PCDH15: variants seen among roughly 807,000 people sequenced by gnomAD.
The protein encoded by PCDH15 is protocadherin related 15.
PCDH15 carries 129 observed loss-of-function variants against 178.5 expected under a neutral mutation model. That is an observed-to-expected ratio of 0.72 (90% CI 0.63 to 0.84). The LOEUF is 0.84. Among genes scored for constraint, PCDH15 ranks in the 40% least tolerant of loss-of-function variants. The pLI, the probability that PCDH15 is intolerant of heterozygous loss-of-function variation, is 0.00. For synonymous variants in PCDH15, 800 were observed against 732.0 expected (o/e 1.09, Z -1.50); for missense variants, 2,230 against 2,099.9 (o/e 1.06, Z -1.21).
At chr10:54,756,089 A>ACT (rs1555182952) in intron 1 of PCDH15, among the ~76,000 whole-genome samples, 41 of 148,338 alleles carry the variant, frequency 2.8e-4, no homozygotes, top group African/African-American at 6.0e-4. Flanking sequence ...ACACACACAC[A>ACT]CACACACAAA....
chr10:54,700,385 A>C (rs188609017), intron 1 of PCDH15, among the ~76,000 whole-genome samples: 113 of 152,208 alleles, frequency 7.4e-4, no homozygotes, highest in Middle Eastern at 3.4e-3. Flanking sequence ...AAATGCCAGA[A>C]ACAGAATTAA....
chr10:54,368,945 TA>T (rs1363605581), intron 5 of PCDH15, among the ~76,000 whole-genome samples, 174 bp downstream of exon 5: 4 of 152,136 alleles, frequency 2.6e-5, no homozygotes, highest in Non-Finnish European at 5.9e-5. Context: ...AATGAATTCC[TA>T]AAATAACATC....
chr10:54,484,462 A>T (rs1431757273), intron 3 of PCDH15, among the ~76,000 whole-genome samples: 1 of 151,928 alleles, frequency 6.6e-6, no homozygotes, highest in Non-Finnish European at 1.5e-5. Context: ...CAAATACTTA[A>T]AAGAAAATAC....
chr10:54,879,276 G>C (rs146039210), intron 3 of PCDH15, among the ~76,000 whole-genome samples: 1 of 151,832 alleles, frequency 6.6e-6, no homozygotes. Flanking sequence ...GCATTCCTTA[G>C]AGATAGTAGT....
At chr10:54,144,961 T>C (rs2043767219) in intron 14 of PCDH15, among the ~76,000 whole-genome samples, 1 of 152,152 alleles carries the variant, frequency 6.6e-6, no homozygotes, top group Non-Finnish European at 1.5e-5. Flanking sequence ...TTTACTTATC[T>C]ATGTGTGAAT....
At chr10:54,372,892 A>T in intron 4 of PCDH15, among the ~76,000 whole-genome samples, 1 of 151,856 alleles carries the variant, frequency 6.6e-6, no homozygotes, top group Non-Finnish European at 1.5e-5. Context: ...TGTATAGGTT[A>T]TGATATGTGT....
chr10:53,887,372 C>T (rs2081173686), intron 26 of PCDH15, among the ~76,000 whole-genome samples: 2 of 152,142 alleles, frequency 1.3e-5, no homozygotes, highest in South Asian at 2.1e-4. Flanking sequence ...AAAATACTAG[C>T]TTATCCCCTT....
At chr10:55,544,179 A>G (rs1364913635) in intron 2 of PCDH15, among the ~76,000 whole-genome samples, 1 of 104,056 alleles carries the variant, frequency 9.6e-6, no homozygotes, top group Admixed American at 9.8e-5. Flanking sequence ...TATATATTAT[A>G]CTGACAGTAT....
chr10:55,610,408 C>A (rs1264040051), intron 2 of PCDH15, among the ~76,000 whole-genome samples: 1 of 152,058 alleles, frequency 6.6e-6, no homozygotes, highest in Non-Finnish European at 1.5e-5. Flanking sequence ...GGAGACAAAG[C>A]TATTCTAATG....
chr10:53,902,563 A>AT (rs1463257813), intron 26 of PCDH15, among the ~76,000 whole-genome samples: 1 of 152,120 alleles, frequency 6.6e-6, no homozygotes, highest in African/African-American at 2.4e-5. Context: ...AATCTTTAAA[A>AT]TTTTTTCTTA....
intron 37 of PCDH15, 90 bp from the exon 38 acceptor site, chr10:53,807,220 T>C: frequency 9.3e-7 from 1 of 1,073,110 alleles, no homozygotes; most frequent in Non-Finnish European, 1.3e-6. Flanking sequence ...AACAATGACA[T>C]TTAGAAAGCT....
chr10:53,857,617 A>G (rs192429962), intron 27 of PCDH15, among the ~76,000 whole-genome samples: 3 of 152,158 alleles, frequency 2.0e-5, no homozygotes, highest in Admixed American at 6.6e-5. Flanking sequence ...AATGAAAAAT[A>G]CGTTTTATAT....
chr10:54,078,457 G>A (rs940246256), intron 17 of PCDH15, among the ~76,000 whole-genome samples: 1 of 151,644 alleles, frequency 6.6e-6, no homozygotes, highest in Admixed American at 6.6e-5. Context: ...GTAGTATATA[G>A]ATTAAATAGA....
intron 5 of PCDH15, among the ~76,000 whole-genome samples, chr10:54,356,162 T>A (rs1266995755): frequency 1.3e-5 from 2 of 152,032 alleles, no homozygotes; most frequent in Admixed American, 1.3e-4. Context: ...TCACTACCAA[T>A]AATGAAACAG....
chr10:54,697,500 C>T (rs1191601457), intron 1 of PCDH15, among the ~76,000 whole-genome samples: 2 of 141,166 alleles, frequency 1.4e-5, no homozygotes, highest in Non-Finnish European at 3.0e-5. Context: ...TATCGCTATG[C>T]TTATTGAAAT....
chr10:55,582,612 A>AT (rs1842638611), intron 2 of PCDH15, among the ~76,000 whole-genome samples: 1 of 88,694 alleles, frequency 1.1e-5, no homozygotes, highest in Non-Finnish European at 2.0e-5. Flanking sequence ...ATATATATAT[A>AT]TATATATATA....
chr10:54,414,611 G>C (rs147712524), intron 3 of PCDH15, among the ~76,000 whole-genome samples: 1 of 152,070 alleles, frequency 6.6e-6, no homozygotes, highest in African/African-American at 2.4e-5. Flanking sequence ...TTTACTATAC[G>C]TCAGGCTATA....
intron 21 of PCDH15, among the ~76,000 whole-genome samples, chr10:53,979,739 T>C (rs1321329968): frequency 6.6e-6 from 1 of 152,174 alleles, no homozygotes; most frequent in African/African-American, 2.4e-5. Context: ...AAAGGAAACA[T>C]GTGGTGCTAT....
chr10:54,154,800 G>A lies in PCDH15; in HGVS notation c.1591-1507C>T, dbSNP rs141260973. ...ACTGGCTATTTGGGGGTGGACAGAT[G>A]TGGTTGCTGGAAGGAAAGGCATTTT... On this transcript the variant is annotated intron_variant, in intron 13 of 37. Transcript: ENST00000644397. Among the ~76,000 whole-genome samples, 6 of 152,312 alleles carry A rather than the reference G, an allele frequency of 3.9e-5. No homozygotes were observed. In the East Asian group the frequency reaches 1.2e-3, roughly 29 times the overall value.
Sources: gnomAD v4.1 joint callset for allele counts (sites outside exome capture counted in the v4.1 genomes callset) on GRCh38, gnomAD v4.1.1 for gene constraint, MANE v1.5 for transcripts, NCBI Gene and HGNC (gene_info 2026-07-23, HGNC 2026-07-21) for gene names.